Variants in HFM1 observed in about 807,000 individuals in gnomAD.
The protein encoded by HFM1 is helicase for meiosis 1.
In HFM1, 169 loss-of-function variants were observed where a neutral mutation model predicts 192.1. That is an observed-to-expected ratio of 0.88 (90% CI 0.78 to 1.00). The LOEUF (loss-of-function observed/expected upper bound fraction) is 1.00. Ranked by LOEUF, HFM1 falls within the 50% of genes least tolerant of loss-of-function variation. The probability of loss-of-function intolerance (pLI) is 0.00; values close to 1 mark genes in which losing one functional copy is unlikely to be tolerated. For synonymous variants in HFM1, 525 were observed against 537.8 expected (o/e 0.98, Z 0.33); for missense variants, 1,661 against 1,668.0 (o/e 1.00, Z 0.07).
At chr1:91,329,426 C>T (rs1416168655) in intron 20 of HFM1, 2 of 1,571,666 alleles carry the variant, frequency 1.3e-6, no homozygotes, top group East Asian at 2.3e-5. Flanking sequence ...CTGGCTCACT[C>T]TCTTCAGCTA....
intron 16 of HFM1, among the ~76,000 whole-genome samples, chr1:91,351,997 G>T (rs1031423744): frequency 4.0e-5 from 6 of 151,792 alleles, no homozygotes; most frequent in Non-Finnish European, 5.9e-5. Flanking sequence ...CAAATGTTTT[G>T]AAAATATAAT....
intron 30 of HFM1, among the ~76,000 whole-genome samples, chr1:91,305,362 T>C (rs1649444330): frequency 1.3e-5 from 2 of 152,172 alleles, no homozygotes; most frequent in African/African-American, 4.8e-5. Flanking sequence ...TTTTGTAGTT[T>C]TCAGTGTTCA....
chr1:91,358,333 T>C (rs1319023260), intron 13 of HFM1, among the ~76,000 whole-genome samples: 1 of 152,014 alleles, frequency 6.6e-6, no homozygotes, highest in African/African-American at 2.4e-5. Flanking sequence ...CAATAAACCC[T>C]GGATAGTGAC....
At chr1:91,315,718 G>A in intron 28 of HFM1, 97 bp downstream of exon 28, 2 of 797,992 alleles carry the variant, frequency 2.5e-6, no homozygotes, top group Non-Finnish European at 3.8e-6. Flanking sequence ...TAATTTAGTT[G>A]ATCCCACAAT....
At chr1:91,347,330 T>TA in intron 19 of HFM1, 99 bp downstream of exon 19, 1 of 613,058 alleles carries the variant, frequency 1.6e-6, no homozygotes, top group Non-Finnish European at 2.7e-6. Flanking sequence ...GTTTCCTTTT[T>TA]AAAAAATGAT....
Position 91,347,489 on chromosome 1 carries a change from A to G in HFM1, c.2207-13T>C, listed in dbSNP as rs746862735. ...CCAGATGCAAAACCTGCATGTCATG[A>G]AAAAGTAAAATAGAATTTAGCTCAT... is the stretch of plus-strand genomic sequence containing the variant. On this transcript the variant is annotated splice_polypyrimidine_tract_variant and intron_variant, in intron 18 of 38. Coordinates refer to ENST00000370425, the MANE Select transcript of HFM1 (RefSeq NM_001017975.6). 5 of 1,572,562 alleles carry G rather than the reference A, an allele frequency of 3.2e-6. No individual in the cohort carries two copies. The highest frequency in any genetic ancestry group is 4.3e-6 in the Non-Finnish European group (5 of 1,154,696).
At chr1:91,311,581 G>A (rs555233934) in intron 30 of HFM1, among the ~76,000 whole-genome samples, 19 of 151,582 alleles carry the variant, frequency 1.3e-4, no homozygotes, top group South Asian at 4.2e-4. Flanking sequence ...AGCCGAGATC[G>A]TGCCACTGCA....
rs754212850 is a variant in HFM1, at chr1:91,353,116, C to A, written c.1766G>T (p.Gly589Val). The change falls in exon 15 of 39, where the codon GGT becomes GTT. Residue 589 changes from glycine (G) to valine (V), a missense_variant. Physicochemically the swap from Gly to Val is moderately radical, Grantham distance 109 (BLOSUM62 -3). Coordinates refer to ENST00000370425, the MANE Select transcript of HFM1 (RefSeq NM_001017975.6). ...TACTTTTCTATCTGACAGCTCCATACCAGCATGATGATAAGCAGCACCATC... is the reference window on the plus strand; with the variant it reads ...TACTTTTCTATCTGACAGCTCCATAACAGCATGATGATAAGCAGCACCATC... The part of the protein sequence containing the change: ...LKDGAAYHHA[G>V]MELSDRKVVE... 4.3e-6 allele frequency: 7 copies of A among 1,610,840 alleles called. No homozygotes were observed. The highest frequency in any genetic ancestry group is 5.1e-6 in the Non-Finnish European group (6 of 1,177,702).
chr1:91,328,262 GCAGCTAAGC>G (rs1653221906), intron 20 of HFM1: 1 of 688,756 alleles, frequency 1.5e-6, no homozygotes, highest in Non-Finnish European at 2.2e-6. Context: ...CAGGCGACCC[GCAGCTAAGC>G]TGAGGGGGGA....
At chr1:91,352,433 TA>T (rs1657066847) in intron 16 of HFM1, 72 bp downstream of exon 16, 1 of 1,127,282 alleles carries the variant, frequency 8.9e-7, no homozygotes, top group Non-Finnish European at 1.3e-6. Flanking sequence ...TATGACATGC[TA>T]ATCAAAAAAT....
At chr1:91,391,920 T>C (rs1167409162) in intron 4 of HFM1, among the ~76,000 whole-genome samples, 1 of 152,072 alleles carries the variant, frequency 6.6e-6, no homozygotes, top group East Asian at 1.9e-4. Flanking sequence ...AACAACCCCA[T>C]TAAAAAGTTG....
intron 20 of HFM1, chr1:91,329,653 G>A (rs1653507607): frequency 1.6e-6 from 1 of 626,160 alleles, no homozygotes; most frequent in Admixed American, 3.2e-5. Flanking sequence ...CTTTTCAGTA[G>A]TGCTAGTCCC....
intron 30 of HFM1, among the ~76,000 whole-genome samples, chr1:91,305,030 CTATT>C (rs1649400016): frequency 6.6e-6 from 1 of 152,142 alleles, no homozygotes; most frequent in Non-Finnish European, 1.5e-5. Flanking sequence ...ATCTTTATGT[CTATT>C]ATTATGACAG....
chr1:91,407,054 T>C (rs1290502502), upstream of HFM1, among the ~76,000 whole-genome samples: 3 of 152,224 alleles, frequency 2.0e-5, no homozygotes, highest in East Asian at 1.9e-4. Flanking sequence ...TTTATAATTT[T>C]AACCATATAT....
chr1:91,312,784 G>A (rs558211365), intron 30 of HFM1, among the ~76,000 whole-genome samples: 1 of 152,122 alleles, frequency 6.6e-6, no homozygotes, highest in Non-Finnish European at 1.5e-5. Context: ...TGGTTTGGCT[G>A]TGTCCCCACC....
chr1:91,352,683 C>T lies in HFM1; in HGVS notation c.1832-32G>A, dbSNP rs781469426. On this transcript the variant is annotated intron_variant, in intron 15 of 38. Transcript: ENST00000370425. ...CAGATTAAGACATAGTAATTTTGAG[C>T]CATTTAACTTTGTTGCTTCAGGAAC... 4.0e-6 allele frequency: 6 copies of T among 1,515,114 alleles called. No homozygotes were observed. In the African/African-American group the frequency reaches 7.1e-5, roughly 18 times the overall value. The allele number at this position is 1,515,114 out of a possible 1,614,324, so 93.9% of individuals were successfully genotyped here. A position where few individuals can be genotyped will look rare whatever the true frequency, so the allele number is the denominator to read the frequency against.
At chr1:91,319,645 G>T (rs10493846) in intron 23 of HFM1, among the ~76,000 whole-genome samples, 29,940 of 151,688 alleles carry the variant, frequency 0.2, 3,379 homozygotes, top group Non-Finnish European at 0.26. Context: ...CTCTCTAAAA[G>T]ATCTCATTTC....
intron 13 of HFM1, among the ~76,000 whole-genome samples, chr1:91,362,321 A>C (rs1426304781): frequency 1.3e-5 from 2 of 152,194 alleles, no homozygotes; most frequent in African/African-American, 2.4e-5. Context: ...AAGCTTCTTA[A>C]GCTATTAAGC....
intron 23 of HFM1, among the ~76,000 whole-genome samples, chr1:91,321,071 T>C (rs1652027180): frequency 6.6e-6 from 1 of 152,106 alleles, no homozygotes; most frequent in Admixed American, 6.5e-5. Context: ...AAAATACCAG[T>C]TAAAGAAAAC....
Sources: allele counts gnomAD v4.1 joint callset (sites outside exome capture counted in the v4.1 genomes callset), GRCh38; gene constraint gnomAD v4.1.1; transcripts MANE v1.5; gene names NCBI Gene and HGNC (gene_info 2026-07-23, HGNC 2026-07-21).